Variants in CDH3 observed in about 807,000 individuals in gnomAD.
The protein encoded by CDH3 is cadherin-3.
In CDH3, 54 loss-of-function variants were observed where a neutral mutation model predicts 82.0. The ratio of observed to expected loss-of-function variants is 0.66; its 90% CI spans 0.53 to 0.83. The LOEUF (loss-of-function observed/expected upper bound fraction) is 0.83, where lower values mean the gene tolerates loss of function less well. CDH3 is among the 40% of genes least tolerant of loss of function. The pLI is 0.00. For synonymous variants in CDH3, 446 were observed against 437.9 expected, an observed-to-expected ratio of 1.02 and a Z score of -0.23; for missense variants, 1,054 against 1,084.6, an observed-to-expected ratio of 0.97 and a Z score of 0.40.
chr16:68,651,054 AG>A, intron 2 of CDH3: 2 of 429,918 alleles, frequency 4.7e-6, no homozygotes, highest in South Asian at 2.9e-5. Flanking sequence ...CCTGGTAGTA[AG>A]GGGGATATTC....
At chr16:68,652,231 C>A (rs558339921) in intron 2 of CDH3, among the ~76,000 whole-genome samples, 4 of 152,244 alleles carry the variant, frequency 2.6e-5, no homozygotes, top group Admixed American at 2.0e-4. Context: ...GCCTAGCAGG[C>A]CGCTTTCCTG....
At chr16:68,706,768 G>T (rs950321001) in intron 1 of CDH3, among the ~76,000 whole-genome samples, 1 of 151,846 alleles carries the variant, frequency 6.6e-6, no homozygotes, top group East Asian at 1.9e-4. Context: ...TGGTCAGGCT[G>T]GTCTCGAACT....
intron 2 of CDH3, among the ~76,000 whole-genome samples, chr16:68,659,593 A>C (rs970940667): frequency 6.7e-6 from 1 of 149,888 alleles, no homozygotes; most frequent in Non-Finnish European, 1.5e-5. Flanking sequence ...AAAAAAAAAA[A>C]GGATCTTTTG....
downstream of CDH3, among the ~76,000 whole-genome samples, chr16:68,728,435 G>A (rs1962249429): frequency 6.6e-6 from 1 of 152,152 alleles, no homozygotes; most frequent in Non-Finnish European, 1.5e-5. Context: ...AAAGTGCTGG[G>A]ATTGACAGGC....
chr16:68,698,274 C>T lies in CDH3; in HGVS notation c.2364C>T (p.Asp788=), dbSNP rs144637479. 148 of 1,614,250 alleles carry T rather than the reference C, an allele frequency of 9.2e-5. No individual in the cohort carries two copies. Among genetic ancestry groups the T allele is most frequent in the Non-Finnish European group, 1.1e-4 (135 of 1,180,032 alleles). The change falls in exon 16 of 16, where the codon GAC becomes GAT. Residue 788 remains aspartate, a synonymous_variant. Transcript: ENST00000264012. Reference sequence around the variant, plus strand: ...TCGACTATGAGGGCAGCGGCTCCGACGCCGCGTCCCTGAGCTCCCTCACCT... The same window carrying T: ...TCGACTATGAGGGCAGCGGCTCCGATGCCGCGTCCCTGAGCTCCCTCACCT... ...LVFDYEGSGS[D]AASLSSLTSS... is the part of the protein sequence containing the mutation.
At position 68,684,750 on chromosome 16, in the gene CDH3, G is replaced by A; in HGVS notation, c.1350G>A (p.Gln450=). The A allele has an allele frequency of 6.2e-7, 1 of 1,614,200 alleles. No individual in the cohort carries two copies. Among genetic ancestry groups the A allele is most frequent in the Non-Finnish European group, 8.5e-7 (1 of 1,180,028 alleles). ...CACCCTCCAAAGTCGTTGAGGTCCA[G>A]GAGGGCATCCCCACTGGGGAGCCTG... ...FVPPSKVVEV[Q]EGIPTGEPVC... The change falls in exon 10 of 16, where the codon CAG becomes CAA. Residue 450 remains glutamine (Q), a synonymous_variant. Transcript: ENST00000264012.
At chr16:68,669,103 T>G (rs1260473491) in intron 2 of CDH3, among the ~76,000 whole-genome samples, 1 of 152,214 alleles carries the variant, frequency 6.6e-6, no homozygotes, top group Non-Finnish European at 1.5e-5. Flanking sequence ...TTCCCTGCCT[T>G]CAGGATTTGA....
chr16:68,698,386 G>A lies in CDH3; in HGVS notation c.2476G>A (p.Gly826Arg), dbSNP rs561914735. ...FKKLADMYGG[G>R]EDD ...GAAGCTGGCAGACATGTACGGTGGC[G>A]GGGAGGACGACTAGGCGGCCTGCCT... Residue 826 changes from glycine to arginine, a missense_variant, in exon 16 of 16, where the codon GGG becomes AGG. By Grantham distance (125) the Gly-to-Arg change is moderately radical (BLOSUM62 -2). Coordinates refer to ENST00000264012, the MANE Select transcript of CDH3 (RefSeq NM_001793.6). 2.0e-5 allele frequency: 33 copies of A among 1,614,004 alleles called. No individual in the cohort carries two copies. Among genetic ancestry groups the A allele is most frequent in the South Asian group, 4.4e-5 (4 of 91,066 alleles).
chr16:68,695,677 C>T, intron 14 of CDH3, 100 bp from the exon 15 acceptor site: 1 of 1,383,304 alleles, frequency 7.2e-7, no homozygotes, highest in South Asian at 1.2e-5. Context: ...CCCCATGAGC[C>T]AGAGTATCCA....
In CDH3 at chr16:68,681,037, G is replaced by T; in HGVS notation, c.937G>T (p.Val313Leu). The change falls in exon 8 of 16, where the codon GTG becomes TTG. Residue 313 changes from valine (V) to leucine (L), a missense_variant. Val to Leu is a conservative substitution (Grantham distance 32). Transcript: ENST00000264012. ...MDGDGSTTTA[V>L]AVVEILDAND... Reference sequence around the variant, plus strand: ...TGGGGACGGCTCCACCACCACGGCAGTGGCAGTAGTGGAGATCCTTGATGC... The same window carrying T: ...TGGGGACGGCTCCACCACCACGGCATTGGCAGTAGTGGAGATCCTTGATGC... 3 of 1,614,038 alleles carry T rather than the reference G, an allele frequency of 1.9e-6. No homozygotes were observed. Among genetic ancestry groups the T allele is most frequent in the Non-Finnish European group, 2.5e-6 (3 of 1,179,956 alleles).
Position 68,679,917 on chromosome 16 carries a change from C to T in CDH3, c.810C>T (p.Phe270=). 1 of 1,614,120 alleles carries T rather than the reference C, an allele frequency of 6.2e-7. No homozygotes were observed. Among genetic ancestry groups the T allele is most frequent in the Non-Finnish European group, 8.5e-7 (1 of 1,179,998 alleles). Residue 270 remains phenylalanine, a synonymous_variant, in exon 7 of 16, where the codon TTC becomes TTT. Coordinates refer to ENST00000264012, the MANE Select transcript of CDH3 (RefSeq NM_001793.6). ...QEPKDPHDLM[F]TIHRSTGTIS... ...CAAAGGACCCACACGACCTCATGTT[C>T]ACCATTCACCGGAGCACAGGCACCA...
At chr16:68,723,925 C>T (rs898312304) in intron 2 of CDH3, among the ~76,000 whole-genome samples, 17 of 152,026 alleles carry the variant, frequency 1.1e-4, no homozygotes, top group South Asian at 4.1e-4. Flanking sequence ...AAAAATTAGC[C>T]GGGCATAGTG....
At chr16:68,675,129 T>G (rs539381219) in intron 2 of CDH3, among the ~76,000 whole-genome samples, 2 of 151,278 alleles carry the variant, frequency 1.3e-5, no homozygotes, top group African/African-American at 4.9e-5. Flanking sequence ...ATAAAAAAAG[T>G]AAAAATTGAA....
downstream of CDH3, among the ~76,000 whole-genome samples, chr16:68,729,136 C>T (rs1174427168): frequency 6.6e-6 from 1 of 152,102 alleles, no homozygotes; most frequent in Non-Finnish European, 1.5e-5. Flanking sequence ...GAAACCCCGT[C>T]TCTACTAAAA....
At chr16:68,676,714 G>A in intron 3 of CDH3, among the ~76,000 whole-genome samples, 1 of 152,194 alleles carries the variant, frequency 6.6e-6, no homozygotes. Flanking sequence ...TGCCTTGTGA[G>A]TAATCACCCA....
intron 2 of CDH3, among the ~76,000 whole-genome samples, chr16:68,725,969 C>T (rs1300758892): frequency 4.0e-5 from 6 of 151,770 alleles, no homozygotes; most frequent in Admixed American, 2.6e-4. Context: ...GTGGAAGGAT[C>T]GCTTGAGCCC....
chr16:68,720,554 A>G (rs1225383053), intron 1 of CDH3, among the ~76,000 whole-genome samples: 1 of 151,856 alleles, frequency 6.6e-6, no homozygotes, highest in African/African-American at 2.4e-5. Context: ...CTACCCATAC[A>G]TGTGTTTTTT....
Position 68,698,374 on chromosome 16 carries a change from A to G in CDH3, c.2464A>G (p.Met822Val). The stretch of plus-strand genomic sequence containing the variant: ...CAGCCGCTTCAAGAAGCTGGCAGAC[A>G]TGTACGGTGGCGGGGAGGACGACTA... The part of the protein sequence containing the change: ...WGSRFKKLAD[M>V]YGGGEDD Residue 822 changes from methionine (M) to valine (V), a missense_variant, in exon 16 of 16, where the codon ATG becomes GTG. Met to Val is a conservative substitution (Grantham distance 21, BLOSUM62 1). Transcript: ENST00000264012. 1 of 1,614,204 alleles carries G rather than the reference A, an allele frequency of 6.2e-7. No homozygotes were observed.
chr16:68,663,936 A>T (rs1040042889), intron 2 of CDH3, among the ~76,000 whole-genome samples: 11 of 151,454 alleles, frequency 7.3e-5, no homozygotes, highest in African/African-American at 2.4e-4. Context: ...ATTTAGCTTT[A>T]GGTATATCTC....
Sources: gnomAD v4.1 joint callset for allele counts (sites outside exome capture counted in the v4.1 genomes callset) on GRCh38, gnomAD v4.1.1 for gene constraint, MANE v1.5 for transcripts, NCBI Gene and HGNC (gene_info 2026-07-23, HGNC 2026-07-21) for gene names.